The following RAB38 variants were observed in gnomAD, a reference collection of about 807,000 sequenced individuals.
RAB38 encodes the protein RAB38, member RAS oncogene family, also known as ras-related protein Rab-38.
RAB38 carries 15 observed loss-of-function variants against 18.4 expected under a neutral mutation model. That is an observed-to-expected ratio of 0.82 (90% confidence interval 0.55 to 1.26). RAB38 has a LOEUF of 1.26. Ranked by LOEUF, RAB38 falls within the 50% of genes most tolerant of loss-of-function variation. The pLI, the probability that RAB38 is intolerant of heterozygous loss-of-function variation, is 0.00. For missense variants in RAB38, 294 were observed against 267.4 expected (o/e 1.10, Z -0.69); for synonymous variants, 101 against 104.4 (o/e 0.97, Z 0.20).
the RAB38 span, among the ~76,000 whole-genome samples, chr11:87,965,145 C>T: frequency 1.3e-5 from 2 of 152,124 alleles, no homozygotes; most frequent in East Asian, 3.9e-4. Context: ...TCCAATGTCC[C>T]CTAGAAGGAG....
chr11:88,110,612 T>G (rs1036324489), downstream of RAB38, among the ~76,000 whole-genome samples: 1 of 151,134 alleles, frequency 6.6e-6, no homozygotes, highest in Non-Finnish European at 1.5e-5. Flanking sequence ...AGGTCAGGAG[T>G]TCGAGACCAG....
In RAB38 at chr11:88,154,504, C is replaced by T. The variant is rs551042749; in HGVS notation, c.203-4549G>A. Among the ~76,000 whole-genome samples the T allele has an allele frequency of 5.3e-5, 8 of 152,292 alleles. No homozygotes were observed. In the South Asian group the frequency reaches 1.7e-3, roughly 32 times the overall value. Reference sequence around the variant, plus strand: ...AACCAAACTGCAGGTGTCCAGCCTGCTCCCCTGAGATTGTGGTGTAGCAGG... The same window carrying T: ...AACCAAACTGCAGGTGTCCAGCCTGTTCCCCTGAGATTGTGGTGTAGCAGG... On this transcript the variant is annotated intron_variant, in intron 1 of 2. Coordinates refer to ENST00000243662, the MANE Select transcript of RAB38 (RefSeq NM_022337.3).
chr11:87,976,719 T>A, the RAB38 span, among the ~76,000 whole-genome samples: 1 of 113,506 alleles, frequency 8.8e-6, no homozygotes, highest in South Asian at 2.7e-4. Flanking sequence ...TTTATATTTC[T>A]ATATATTTTA....
chr11:87,840,487 C>T, the RAB38 span, among the ~76,000 whole-genome samples: 1 of 152,164 alleles, frequency 6.6e-6, no homozygotes, highest in South Asian at 2.1e-4. Flanking sequence ...ACTACCTTTT[C>T]ATCCAGGGTA....
chr11:87,886,824 GT>G, the RAB38 span, among the ~76,000 whole-genome samples: 4,645 of 138,984 alleles, frequency 0.033, 201 homozygotes, highest in African/African-American at 0.12. Flanking sequence ...TGAAGCACTT[GT>G]TTTTTTTTTT....
the RAB38 span, among the ~76,000 whole-genome samples, chr11:88,041,702 ATG>A: frequency 6.6e-6 from 1 of 152,222 alleles, no homozygotes; most frequent in African/African-American, 2.4e-5. Context: ...TCTGAAAATC[ATG>A]TGTCTCAGAG....
At chr11:88,167,362 C>T (rs1591179741) in intron 1 of RAB38, 2 of 152,100 alleles carry the variant, frequency 1.3e-5, no homozygotes, top group Admixed American at 1.3e-4. Context: ...TCGTGACTGT[C>T]ATGCTAAAAA....
the RAB38 span, among the ~76,000 whole-genome samples, chr11:87,870,245 A>G: frequency 6.6e-6 from 1 of 151,572 alleles, no homozygotes; most frequent in Non-Finnish European, 1.5e-5. Context: ...TGTTTACTGT[A>G]CTTCCTTTCA....
intron 2 of RAB38, among the ~76,000 whole-genome samples, chr11:88,145,960 T>A (rs934946832): frequency 6.6e-6 from 1 of 152,126 alleles, no homozygotes; most frequent in African/African-American, 2.4e-5. Flanking sequence ...AGCAAAAGAA[T>A]GCAAAGGTTA....
At chr11:87,940,874 C>T in the RAB38 span, among the ~76,000 whole-genome samples, 1 of 152,008 alleles carries the variant, frequency 6.6e-6, no homozygotes, top group Non-Finnish European at 1.5e-5. Flanking sequence ...TCAAGTGATT[C>T]TCCCTCCTCG....
At chr11:87,873,922 G>GTGTGTGTATATA in the RAB38 span, among the ~76,000 whole-genome samples, 8 of 103,114 alleles carry the variant, frequency 7.8e-5, no homozygotes, top group Admixed American at 2.5e-4. Context: ...GTGTGTGTGT[G>GTGTGTGTATATA]TATATATATA....
chr11:87,959,078 C>T, the RAB38 span, among the ~76,000 whole-genome samples: 2 of 152,068 alleles, frequency 1.3e-5, no homozygotes, highest in Non-Finnish European at 2.9e-5. Flanking sequence ...TACACCCCAC[C>T]AATCATCAAA....
the RAB38 span, among the ~76,000 whole-genome samples, chr11:87,857,910 T>A: frequency 6.6e-6 from 1 of 152,222 alleles, no homozygotes; most frequent in Non-Finnish European, 1.5e-5. Flanking sequence ...GCCACTGCTT[T>A]TGGTGTTTTA....
the RAB38 span, among the ~76,000 whole-genome samples, chr11:87,949,877 G>T: frequency 4.6e-5 from 7 of 152,162 alleles, no homozygotes; most frequent in Non-Finnish European, 1.0e-4. Context: ...TTGATTTGGG[G>T]TGGAGAGTTC....
At chr11:88,005,321 A>G in the RAB38 span, among the ~76,000 whole-genome samples, 2 of 151,412 alleles carry the variant, frequency 1.3e-5, no homozygotes, top group African/African-American at 4.8e-5. Flanking sequence ...AGACTCCAGA[A>G]ATAAAGTCAC....
At chr11:88,005,936 A>C in the RAB38 span, among the ~76,000 whole-genome samples, 1 of 151,454 alleles carries the variant, frequency 6.6e-6, no homozygotes, top group Admixed American at 6.6e-5. Flanking sequence ...TTCCAGTTTT[A>C]TATTCTGTTC....
chr11:88,082,207 T>A, the RAB38 span, among the ~76,000 whole-genome samples: 1 of 151,824 alleles, frequency 6.6e-6, no homozygotes, highest in Non-Finnish European at 1.5e-5. Context: ...CCAATGTTCA[T>A]AATAGTTTAG....
the RAB38 span, among the ~76,000 whole-genome samples, chr11:88,085,695 T>C: frequency 6.6e-6 from 1 of 151,912 alleles, no homozygotes; most frequent in Admixed American, 6.6e-5. Flanking sequence ...AAACCAAGTT[T>C]TATTGGAACA....
the RAB38 span, among the ~76,000 whole-genome samples, chr11:87,956,454 C>G: frequency 0.05 from 7,649 of 152,192 alleles, 274 homozygotes; most frequent in East Asian, 0.13. Context: ...CAGAGATTTG[C>G]TTAGCACAGG....
Sources: allele counts gnomAD v4.1 joint callset (sites outside exome capture counted in the v4.1 genomes callset), GRCh38; gene constraint gnomAD v4.1.1; transcripts MANE v1.5; gene names NCBI Gene and HGNC (gene_info 2026-07-23, HGNC 2026-07-21).